Variants in INTS10 observed in about 807,000 individuals in gnomAD.
INTS10 encodes chromosome 8 open reading frame 35.
In INTS10, 44 loss-of-function variants were observed where a neutral mutation model predicts 94.4. The ratio of observed to expected loss-of-function variants is 0.47; its 90% CI spans 0.37 to 0.60. The LOEUF is 0.60. INTS10 is among the 20% of genes least tolerant of loss of function. The probability of loss-of-function intolerance (pLI) is 0.00; values close to 1 mark genes in which losing one functional copy is unlikely to be tolerated. For missense variants in INTS10, 797 were observed against 868.7 expected (o/e 0.92, Z 1.04); for synonymous variants, 341 against 320.7 (o/e 1.06, Z -0.68).
chr8:19,819,256 T>C (rs1272744064), intron 2 of INTS10, among the ~76,000 whole-genome samples: 1 of 152,256 alleles, frequency 6.6e-6, no homozygotes, highest in Non-Finnish European at 1.5e-5. Context: ...TCTCTTTGGC[T>C]GTGTGTATTC....
At position 19,851,931 on chromosome 8, in the gene INTS10, T is replaced by TCTAA. The variant is rs2069069612; in HGVS notation, c.*129_*132dup. 1 of 738,452 alleles carries TCTAA rather than the reference T, an allele frequency of 1.4e-6. No homozygotes were observed. Among genetic ancestry groups the TCTAA allele is most frequent in the African/African-American group, 1.7e-5 (1 of 57,340 alleles). The allele number at this position is 738,452 out of a possible 1,614,324, so 45.7% of individuals were successfully genotyped here. ...TTACAAAGAAGAAAACCATCTGAGT[T>TCTAA]CTAACTCCTTGGTTGCTTAAAAGTA... On this transcript the variant is annotated 3_prime_UTR_variant, in exon 17 of 17. Transcript: ENST00000397977. This position sits in a 1 kb window ranked among gnomAD's most constrained non-coding sequence, Gnocchi z 5.0.
rs765382707 is a variant in INTS10 at position 19,844,165 on chromosome 8, T to C, written c.1809T>C (p.Leu603=). 35 of 1,613,854 alleles carry C rather than the reference T, an allele frequency of 2.2e-5. No individual in the cohort carries two copies. The South Asian group carries it at 3.8e-4, about 18-fold the overall frequency. ...LQQEWPRGEN[L]FLKAVNKICQ... is the part of the protein sequence containing the mutation. ...AAGAGTGGCCACGGGGCGAGAATCT[T>C]TTCCTGAAAGCTGTCAATAAAATTT... The change falls in exon 15 of 17, where the codon CTT becomes CTC. Residue 603 remains leucine, a synonymous_variant. Coordinates refer to ENST00000397977, the MANE Select transcript of INTS10 (RefSeq NM_018142.4).
At chr8:19,838,825 A>T (rs2067880642) in intron 13 of INTS10, among the ~76,000 whole-genome samples, 1 of 152,112 alleles carries the variant, frequency 6.6e-6, no homozygotes, top group African/African-American at 2.4e-5. Context: ...TAATTGCAGC[A>T]CTTTGGGAGG....
intron 16 of INTS10, chr8:19,848,970 G>A (rs1238201981): frequency 2.6e-5 from 7 of 265,088 alleles, no homozygotes; most frequent in Admixed American, 4.4e-5. Context: ...CAGCAGCAGC[G>A]GGTGCAGTGA....
intron 10 of INTS10, 111 bp downstream of exon 10, chr8:19,830,670 AT>A (rs1040145394): frequency 1.6e-3 from 1,458 of 929,546 alleles, no homozygotes; most frequent in South Asian, 1.8e-3. Flanking sequence ...TAGTTCATGC[AT>A]TTTTTTTTTC....
chr8:19,836,876 A>T (rs1336723707), intron 12 of INTS10, among the ~76,000 whole-genome samples, 176 bp from the exon 13 acceptor site: 1 of 152,138 alleles, frequency 6.6e-6, no homozygotes, highest in East Asian at 1.9e-4. Context: ...TTTGAGTCTT[A>T]TTCTTTACTC....
At position 19,844,105 on chromosome 8, in the gene INTS10, C is replaced by T. The variant is rs777059617; in HGVS notation, c.1749C>T (p.Asp583=). The part of the protein sequence containing the change: ...KLRAFTDNRD[D]MALGHVIVLL... ...GAGCTTTCACAGACAACAGAGACGA[C>T]ATGGCATTGGGGCATGTGATTGTGT... The change falls in exon 15 of 17, where the codon GAC becomes GAT. Residue 583 remains aspartate (D), a synonymous_variant. Transcript: ENST00000397977. The T allele has an allele frequency of 6.2e-7, 1 of 1,611,536 alleles. No homozygotes were observed. The highest frequency in any genetic ancestry group is 1.1e-5 in the South Asian group (1 of 90,796).
At chr8:19,845,563 C>A in intron 15 of INTS10, 141 bp from the exon 16 acceptor site, 2 of 645,826 alleles carry the variant, frequency 3.1e-6, no homozygotes, top group Non-Finnish European at 5.7e-6. Context: ...TGCCAAGACC[C>A]CATTTCCTTA....
chr8:19,837,661 G>A (rs1483190523), intron 13 of INTS10: 3 of 153,012 alleles, frequency 2.0e-5, no homozygotes, highest in Non-Finnish European at 4.4e-5. Flanking sequence ...CAAGCTTCGT[G>A]TTGCTTGAAA....
At chr8:19,825,298 G>T (rs1200865580) in intron 8 of INTS10, among the ~76,000 whole-genome samples, 2 of 152,136 alleles carry the variant, frequency 1.3e-5, no homozygotes, top group Non-Finnish European at 2.9e-5. Context: ...AGGTGAGGCC[G>T]GTGAATCACT....
chr8:19,823,835 T>C (rs760240670), intron 6 of INTS10, 38 bp from the exon 7 acceptor site: 2 of 1,521,296 alleles, frequency 1.3e-6, no homozygotes, highest in South Asian at 2.5e-5. Context: ...CAGTAAGTCA[T>C]AATGTTAATT....
In INTS10 at chr8:19,824,682, T is replaced by G. The variant is rs566383232; in HGVS notation, c.837-121T>G. ...ACCATTTATATTGGACAATAAAGAA[T>G]AGTTTTACATGCCTAGGGCAACATT... On this transcript the variant is annotated intron_variant, in intron 7 of 16. Transcript: ENST00000397977. 11 of 616,356 alleles carry G rather than the reference T, an allele frequency of 1.8e-5. No homozygotes were observed. The African/African-American group carries it at 2.1e-4, about 12-fold the overall frequency. 38.2% of individuals were successfully genotyped at this position (616,356 alleles called of 1,614,324 possible).
At chr8:19,840,841 A>G (rs2068073468) in intron 13 of INTS10, among the ~76,000 whole-genome samples, 1 of 152,198 alleles carries the variant, frequency 6.6e-6, no homozygotes, top group African/African-American at 2.4e-5. Context: ...GTAGATGAAG[A>G]CTCACAGCTT....
At position 19,823,304 on chromosome 8, in the gene INTS10, G is replaced by T. The variant is rs753620152; in HGVS notation, c.527G>T (p.Cys176Phe). 7.1e-5 allele frequency: 114 copies of T among 1,606,346 alleles called. No individual in the cohort carries two copies. Among genetic ancestry groups the T allele is most frequent in the Non-Finnish European group, 9.2e-5 (108 of 1,173,600 alleles). The stretch of plus-strand genomic sequence containing the variant: ...TCTTCTTTTTCTCCTCCAACAGTTT[G>T]TGATGTCCTTCCTCTAATAATTAAC... Reference protein sequence around the residue: ...PVNCFRKLFVCDVLPLIINNH... With the variant: ...PVNCFRKLFVFDVLPLIINNH... Residue 176 changes from cysteine (C) to phenylalanine (F), a missense_variant, in exon 6 of 17, where the codon TGT becomes TTT. Coordinates refer to ENST00000397977, the MANE Select transcript of INTS10 (RefSeq NM_018142.4).
In INTS10 at chr8:19,829,659, G is replaced by A. The variant is rs376450348; in HGVS notation, c.1141-747G>A. 4.6e-5 allele frequency among the ~76,000 whole-genome samples: 7 copies of A among 152,154 alleles called. No homozygotes were observed. The East Asian group carries it at 1.2e-3, about 25-fold the overall frequency. The stretch of plus-strand genomic sequence containing the variant: ...TTATTCTCTGACATTATTTCTTAGA[G>A]GACGCAGGCTTTAATTTTGTTGTTG... On this transcript the variant is annotated intron_variant, in intron 9 of 16. Coordinates refer to ENST00000397977, the MANE Select transcript of INTS10 (RefSeq NM_018142.4).
intron 16 of INTS10, among the ~76,000 whole-genome samples, chr8:19,850,610 T>C (rs1469603532): frequency 6.6e-6 from 1 of 152,180 alleles, no homozygotes; most frequent in Non-Finnish European, 1.5e-5. Context: ...CACTTTTATC[T>C]TGCCCAGAAC....
chr8:19,820,350 C>G (rs1563328134), intron 3 of INTS10, 29 bp from the exon 4 acceptor site: 2 of 1,589,098 alleles, frequency 1.3e-6, no homozygotes, highest in Non-Finnish European at 1.7e-6. Flanking sequence ...CCGCAAGAAA[C>G]TTTTAAAAGT....
chr8:19,826,550 A>C lies in INTS10; in HGVS notation c.1131A>C (p.Glu377Asp). ...AGAGGAAACTAGCTGAAGGAAGAGA[A>C]AAAACCATGGTAAGGCTTTCAAATA... is the stretch of plus-strand genomic sequence containing the variant. The part of the protein sequence containing the change: ...HKKRKLAEGR[E>D]KTMSSDDEDC... Residue 377 changes from glutamate (E) to aspartate (D), a missense_variant, in exon 9 of 17, where the codon GAA becomes GAC. Glu to Asp is a conservative substitution (Grantham distance 45). Transcript: ENST00000397977. 1 of 1,611,684 alleles carries C rather than the reference A, an allele frequency of 6.2e-7. No homozygotes were observed. Among genetic ancestry groups the C allele is most frequent in the South Asian group, 1.1e-5 (1 of 90,424 alleles).
intron 9 of INTS10, among the ~76,000 whole-genome samples, chr8:19,826,993 G>A (rs1440438380): frequency 1.3e-5 from 2 of 152,168 alleles, no homozygotes; most frequent in South Asian, 2.1e-4. Context: ...GCTCTGAGGT[G>A]GGCAGGGCAG....
Sources: gnomAD v4.1 joint callset for allele counts (sites outside exome capture counted in the v4.1 genomes callset) on GRCh38, gnomAD v4.1.1 for gene constraint, Gnocchi (gnomAD v3.1) non-coding constraint, MANE v1.5 for transcripts, NCBI Gene and HGNC (gene_info 2026-07-23, HGNC 2026-07-21) for gene names.